Variants in CPEB4 observed in about 807,000 individuals in gnomAD.
CPEB4 encodes cytoplasmic polyadenylation element binding protein 4, also known as cytoplasmic polyadenylation element-binding protein 4.
Under a neutral mutation model 72.5 loss-of-function variants are expected in CPEB4, and 12 were observed. The ratio of observed to expected loss-of-function variants is 0.17; its 90% confidence interval spans 0.11 to 0.27. CPEB4 has a LOEUF of 0.27. Among genes scored for constraint, CPEB4 ranks in the 10% least tolerant of loss-of-function variants. CPEB4 has a pLI of 1.00. For synonymous variants in CPEB4, 302 were observed against 326.3 expected (o/e 0.93, Z 0.80); for missense variants, 614 against 908.5 (o/e 0.68, Z 4.17).
At position 173,904,745 on chromosome 5, in the gene CPEB4, C is replaced by T. The variant is rs544572483; in HGVS notation, c.1126-5778C>T. On this transcript the variant is annotated intron_variant, in intron 1 of 9. Coordinates refer to ENST00000265085, the MANE Select transcript of CPEB4 (RefSeq NM_030627.4). ...GTTTGAATCTGACTATGCCACTAAA[C>T]TATGCAGTAACCAATCTGTGTAGTA... Among the ~76,000 whole-genome samples the T allele has an allele frequency of 2.0e-5, 3 of 152,026 alleles. No individual in the cohort carries two copies. The South Asian group carries it at 6.2e-4, about 32-fold the overall frequency.
chr5:173,918,328 A>G (rs755774177), intron 2 of CPEB4: 3 of 152,266 alleles, frequency 2.0e-5, no homozygotes, highest in Non-Finnish European at 4.4e-5. Flanking sequence ...TGAAGGGCCT[A>G]TTCTTAATTT....
chr5:173,890,874 A>G lies in CPEB4; in HGVS notation c.1125+16A>G. The G allele has an allele frequency of 6.3e-7, 1 of 1,585,886 alleles. No homozygotes were observed. The highest frequency in any genetic ancestry group is 8.6e-7 in the Non-Finnish European group (1 of 1,165,704). ...TCCTTTTCCGGTAAGATTATGTTCCATTAATAGATTAGGATGAATAAGGAA... is the reference window on the plus strand; with the variant it reads ...TCCTTTTCCGGTAAGATTATGTTCCGTTAATAGATTAGGATGAATAAGGAA... On this transcript the variant is annotated intron_variant, in intron 1 of 9. Transcript: ENST00000265085.
intron 2 of CPEB4, among the ~76,000 whole-genome samples, chr5:173,913,104 C>T (rs1488142486): frequency 6.6e-6 from 1 of 151,712 alleles, no homozygotes; most frequent in Non-Finnish European, 1.5e-5. Flanking sequence ...AGGTTACAAA[C>T]AGCAGTGGAT....
intron 2 of CPEB4, among the ~76,000 whole-genome samples, chr5:173,915,549 T>A (rs1756838614): frequency 6.6e-6 from 1 of 152,218 alleles, no homozygotes; most frequent in Non-Finnish European, 1.5e-5. Flanking sequence ...ATTCATTTTC[T>A]TTGCTGCACA....
At chr5:173,918,755 C>G (rs1440423842) in intron 2 of CPEB4, among the ~76,000 whole-genome samples, 1 of 152,176 alleles carries the variant, frequency 6.6e-6, no homozygotes, top group Admixed American at 6.5e-5. Context: ...ATATTTAACC[C>G]TTGTTTTTAT....
chr5:173,950,091 TAGCATAAA>T lies in CPEB4; in HGVS notation c.1665+15_1665+22del. The T allele has an allele frequency of 6.9e-7, 1 of 1,450,548 alleles. No individual in the cohort carries two copies. The highest frequency in any genetic ancestry group is 9.5e-7 in the Non-Finnish European group (1 of 1,049,916). 89.9% of individuals were successfully genotyped at this position (1,450,548 alleles called of 1,614,324 possible). Reference sequence around the variant, plus strand: ...CAAGGATAAGCCAGTAAGTGTGGTTTAGCATAAAATAGCTTCTTGTTTTTGCCTCCATT... The same window carrying T: ...CAAGGATAAGCCAGTAAGTGTGGTTTATAGCTTCTTGTTTTTGCCTCCATT... On this transcript the variant is annotated intron_variant, in intron 7 of 9. Coordinates refer to ENST00000265085, the MANE Select transcript of CPEB4 (RefSeq NM_030627.4). This position sits in a 1 kb window ranked among gnomAD's most constrained non-coding sequence, Gnocchi z 5.0.
In CPEB4 at chr5:173,918,709, T is replaced by A. The variant is rs904989650; in HGVS notation, c.1207+8105T>A. On this transcript the variant is annotated intron_variant, in intron 2 of 9. Coordinates refer to ENST00000265085, the MANE Select transcript of CPEB4 (RefSeq NM_030627.4). Reference sequence around the variant, plus strand: ...CATACTAGTCAATCGAAAATAGTGATCCTCTGCCCTCTACCTGCCACACAT... The same window carrying A: ...CATACTAGTCAATCGAAAATAGTGAACCTCTGCCCTCTACCTGCCACACAT... Among the ~76,000 whole-genome samples, 4 of 152,352 alleles carry A rather than the reference T, an allele frequency of 2.6e-5. No homozygotes were observed. The East Asian group carries it at 7.7e-4, about 29-fold the overall frequency.
In CPEB4 at chr5:173,928,907, A is replaced by C. The variant is rs150778472; in HGVS notation, c.1208-3543A>C. ...GAAGCATTATGAAAGTTAAAAAAAGAAAACAGTTTCTTAATGTCACTTATG... is the reference window on the plus strand; with the variant it reads ...GAAGCATTATGAAAGTTAAAAAAAGCAAACAGTTTCTTAATGTCACTTATG... On this transcript the variant is annotated intron_variant, in intron 2 of 9. Transcript: ENST00000265085. Among the ~76,000 whole-genome samples, 176 of 152,362 alleles carry C rather than the reference A, an allele frequency of 1.2e-3. 1 individual carries two copies. Among genetic ancestry groups the C allele is most frequent in the African/African-American group, 4.1e-3 (172 of 41,580 alleles).
At chr5:173,918,867 T>C (rs1396724298) in intron 2 of CPEB4, among the ~76,000 whole-genome samples, 1 of 152,176 alleles carries the variant, frequency 6.6e-6, no homozygotes, top group Non-Finnish European at 1.5e-5. Context: ...TTTATCTTAA[T>C]CCTGAACATT....
intron 2 of CPEB4, among the ~76,000 whole-genome samples, chr5:173,918,954 G>A (rs796982462): frequency 1.3e-5 from 2 of 152,102 alleles, no homozygotes; most frequent in South Asian, 4.1e-4. Flanking sequence ...GAGAGGTGAG[G>A]GTAACGGTGG....
chr5:173,947,525 CA>C (rs914216208), intron 5 of CPEB4, among the ~76,000 whole-genome samples: 8 of 151,990 alleles, frequency 5.3e-5, no homozygotes, highest in African/African-American at 1.9e-4. Context: ...TTACATTGAG[CA>C]AATTAATAAA....
chr5:173,945,927 T>C (rs1428978645), intron 5 of CPEB4, among the ~76,000 whole-genome samples: 1 of 152,226 alleles, frequency 6.6e-6, no homozygotes, highest in Non-Finnish European at 1.5e-5. Context: ...GCAGACCTTA[T>C]AGCATATTTT....
intron 1 of CPEB4, among the ~76,000 whole-genome samples, chr5:173,897,821 T>C (rs530109567): frequency 1.8e-4 from 28 of 152,312 alleles, no homozygotes; most frequent in African/African-American, 6.3e-4. Flanking sequence ...ATTTGGAAAG[T>C]GTAATTATCA....
intron 3 of CPEB4, 135 bp from the exon 4 acceptor site, chr5:173,942,891 C>A: frequency 1.2e-6 from 1 of 818,052 alleles, no homozygotes; most frequent in South Asian, 2.2e-5. Context: ...TAGACATTTA[C>A]CAGGAAATGA....
chr5:173,927,919 T>C (rs1757307180), intron 2 of CPEB4, among the ~76,000 whole-genome samples: 1 of 152,230 alleles, frequency 6.6e-6, no homozygotes, highest in Non-Finnish European at 1.5e-5. Flanking sequence ...TAGGTGAATA[T>C]AGATTAGTAA....
At chr5:173,910,673 A>T (rs1271751205) in intron 2 of CPEB4, 69 bp downstream of exon 2, 3 of 989,570 alleles carry the variant, frequency 3.0e-6, no homozygotes, top group African/African-American at 1.6e-5. Flanking sequence ...ATTTAATCTG[A>T]TACACAGTAT....
intron 2 of CPEB4, among the ~76,000 whole-genome samples, chr5:173,915,640 C>T (rs1756842103): frequency 1.3e-5 from 2 of 152,170 alleles, no homozygotes; most frequent in Admixed American, 6.5e-5. Context: ...TGCATTGCTA[C>T]AATATTATTA....
rs531451202 is a variant in CPEB4, at chr5:173,956,369, T to C, written c.*232T>C. On this transcript the variant is annotated 3_prime_UTR_variant, in exon 10 of 10. Transcript: ENST00000265085. The stretch of plus-strand genomic sequence containing the variant: ...GCCATCGGGTTGCATGGAAGTTTTA[T>C]TCTCTTGTTTTGCTGGAAACCAAGA... 36 of 431,998 alleles carry C rather than the reference T, an allele frequency of 8.3e-5. No individual in the cohort carries two copies. The highest frequency in any genetic ancestry group is 5.1e-4 in the Admixed American group (13 of 25,586). The allele number at this position is 431,998 out of a possible 1,614,324, so 26.8% of individuals were successfully genotyped here.
Position 173,955,465 on chromosome 5 carries a change from C to A in CPEB4, c.1963-445C>A, listed in dbSNP as rs1170008202. Among the ~76,000 whole-genome samples, 3 of 152,034 alleles carry A rather than the reference C, an allele frequency of 2.0e-5. No individual in the cohort carries two copies. In the East Asian group the frequency reaches 5.8e-4, roughly 29 times the overall value. ...ATCTTGTGACGCAGTAGTCAGGCAT[C>A]TTCACACCAACTTGAATATTGAAGT... On this transcript the variant is annotated intron_variant, in intron 9 of 9. Coordinates refer to ENST00000265085, the MANE Select transcript of CPEB4 (RefSeq NM_030627.4). This position sits in a 1 kb window ranked among gnomAD's most constrained non-coding sequence, Gnocchi z 4.7.
Sources: allele counts gnomAD v4.1 joint callset (sites outside exome capture counted in the v4.1 genomes callset), GRCh38; gene constraint gnomAD v4.1.1; non-coding constraint Gnocchi (gnomAD v3.1); transcripts MANE v1.5; gene names NCBI Gene and HGNC (gene_info 2026-07-23, HGNC 2026-07-21).